CDH2: variants seen among roughly 807,000 people sequenced by gnomAD.
CDH2 encodes the protein cadherin 2.
Under a neutral mutation model 92.0 loss-of-function variants are expected in CDH2, and 17 were observed. The ratio of observed to expected loss-of-function variants is 0.18; its 90% CI spans 0.13 to 0.28. The LOEUF is 0.28. Ranked by LOEUF, CDH2 falls within the 10% of genes least tolerant of loss-of-function variation. The probability of loss-of-function intolerance (pLI) is 1.00; values close to 1 mark genes in which losing one functional copy is unlikely to be tolerated. For missense variants in CDH2, 862 were observed against 1,133.1 expected, an observed-to-expected ratio of 0.76 and a Z score of 3.44; for synonymous variants, 419 against 415.9, an observed-to-expected ratio of 1.01 and a Z score of -0.09.
At chr18:28,145,536 C>T (rs1406502329) in intron 2 of CDH2, among the ~76,000 whole-genome samples, 1 of 151,982 alleles carries the variant, frequency 6.6e-6, no homozygotes, top group Non-Finnish European at 1.5e-5. Flanking sequence ...ATAGCTATAG[C>T]ATTGGATTAT....
chr18:28,051,677 G>A (rs2014193946), intron 2 of CDH2, among the ~76,000 whole-genome samples: 1 of 152,038 alleles, frequency 6.6e-6, no homozygotes, highest in Admixed American at 6.6e-5. Flanking sequence ...TCTTGCCCTG[G>A]AGTGTTTATG....
At position 27,963,252 on chromosome 18, in the gene CDH2, T is replaced by C. The variant is rs2011454633; in HGVS notation, c.2514+105A>G. The C allele has an allele frequency of 4.3e-6, 4 of 928,274 alleles. No homozygotes were observed. In the East Asian group the frequency reaches 7.9e-5, roughly 18 times the overall value. 57.5% of individuals were successfully genotyped at this position (928,274 alleles called of 1,614,324 possible). ...TGAACTTCAGAAACACAAGTATGTT[T>C]TAGTGAACTATATAGCTGTATTCCA... On this transcript the variant is annotated intron_variant, in intron 15 of 15. Transcript: ENST00000269141.
intron 11 of CDH2, among the ~76,000 whole-genome samples, chr18:27,986,931 C>A (rs1030820875): frequency 3.9e-5 from 6 of 152,104 alleles, no homozygotes; most frequent in African/African-American, 1.4e-4. Flanking sequence ...AATAATGAAA[C>A]TAAGGCATAC....
In CDH2 at chr18:28,022,033, G is replaced by GA. The variant is rs1407991601; in HGVS notation, c.173-8125dup. On this transcript the variant is annotated intron_variant, in intron 2 of 15. Transcript: ENST00000269141. ...GCATTAGGAGGGAGGAAGGTAGGGA[G>GA]AAACTGCCACAACAGTAAGTGTTTC... 3.5e-5 allele frequency among the ~76,000 whole-genome samples: 5 copies of GA among 143,554 alleles called. No homozygotes were observed. The East Asian group carries it at 9.6e-4, about 28-fold the overall frequency. 94.2% of individuals were successfully genotyped at this position (143,554 alleles called of 152,430 possible).
intron 2 of CDH2, among the ~76,000 whole-genome samples, chr18:28,019,704 C>A (rs1410123585): frequency 6.6e-6 from 1 of 152,056 alleles, no homozygotes; most frequent in Non-Finnish European, 1.5e-5. Flanking sequence ...TAACCTATGA[C>A]CAATATGAAT....
chr18:28,011,780 G>A (rs2013107075), intron 4 of CDH2, 66 bp downstream of exon 4: 1 of 1,467,234 alleles, frequency 6.8e-7, no homozygotes, highest in African/African-American at 1.4e-5. Flanking sequence ...AAAAAAAATA[G>A]ACAGAAATAT....
chr18:28,003,532 G>A (rs912633172), intron 6 of CDH2, among the ~76,000 whole-genome samples: 5 of 151,980 alleles, frequency 3.3e-5, no homozygotes, highest in South Asian at 2.1e-4. Context: ...ATTTATTGCC[G>A]CTGATTCTTC....
At chr18:28,081,643 G>A (rs1401990348) in intron 2 of CDH2, among the ~76,000 whole-genome samples, 1 of 152,102 alleles carries the variant, frequency 6.6e-6, no homozygotes, top group Admixed American at 6.5e-5. Flanking sequence ...CCACTTATGT[G>A]TAACAATGCT....
intron 15 of CDH2, among the ~76,000 whole-genome samples, chr18:27,961,705 G>A (rs990985077): frequency 7.2e-5 from 11 of 152,144 alleles, no homozygotes; most frequent in African/African-American, 2.7e-4. Context: ...GAGTATCAGG[G>A]ATGGAATGAA....
At chr18:28,150,424 G>T (rs2016103538) in intron 1 of CDH2, among the ~76,000 whole-genome samples, 1 of 152,180 alleles carries the variant, frequency 6.6e-6, no homozygotes, top group Non-Finnish European at 1.5e-5. Context: ...CTGCCCTAAG[G>T]CAGGAGAATC....
At chr18:27,933,395 T>C (rs1389601610) in intron 6 of CDH2, among the ~76,000 whole-genome samples, 2 of 152,270 alleles carry the variant, frequency 1.3e-5, no homozygotes, top group South Asian at 2.1e-4. Flanking sequence ...TATTCATCTA[T>C]AAAATGTATA....
chr18:28,141,658 TTCTGCTCTTTCCTCAACACA>T (rs1313717548), intron 2 of CDH2, among the ~76,000 whole-genome samples: 1 of 152,032 alleles, frequency 6.6e-6, no homozygotes, highest in Non-Finnish European at 1.5e-5. Flanking sequence ...CCTCTTGTCA[TTCTGCTCTTTCCTCAACACA>T]ACAGCCAGAA....
At chr18:28,147,828 A>G (rs200241515) in intron 1 of CDH2, 44 bp from the exon 2 acceptor site, 1 of 1,045,552 alleles carries the variant, frequency 9.6e-7, no homozygotes, top group Admixed American at 2.0e-5. Flanking sequence ...AATGATTGCT[A>G]CCTCCTTCAA....
intron 14 of CDH2, among the ~76,000 whole-genome samples, chr18:27,972,525 G>A (rs1386003230): frequency 6.6e-6 from 1 of 152,204 alleles, no homozygotes; most frequent in Non-Finnish European, 1.5e-5. Context: ...AACTAAGAGA[G>A]TAGCACAGTG....
At position 27,939,688 on chromosome 18, in the gene CDH2, G is replaced by C. The variant is rs367766553; in HGVS notation, c.1152-6564C>G. 1.2e-3 allele frequency among the ~76,000 whole-genome samples: 180 copies of C among 152,258 alleles called. 3 individuals are homozygous for C. The South Asian group carries it at 0.035, about 30-fold the overall frequency. On this transcript the variant is annotated intron_variant, in intron 6 of 6. Coordinates refer to the CDH2 transcript ENST00000675173. The stretch of plus-strand genomic sequence containing the variant: ...CCCTAGACAAAGACTTCCTTCCTGG[G>C]AGTTCTTATACTATGTGGTTTAATT...
At chr18:28,031,108 C>T (rs1335555086) in intron 2 of CDH2, among the ~76,000 whole-genome samples, 1 of 151,296 alleles carries the variant, frequency 6.6e-6, no homozygotes, top group African/African-American at 2.4e-5. Flanking sequence ...TAACTGCCTG[C>T]TTGCCATCTC....
intron 1 of CDH2, among the ~76,000 whole-genome samples, chr18:28,161,409 T>C (rs954237026): frequency 4.0e-5 from 6 of 151,648 alleles, no homozygotes; most frequent in African/African-American, 1.2e-4. Context: ...TGAAACCCCA[T>C]CTCTACCAAA....
intron 2 of CDH2, among the ~76,000 whole-genome samples, chr18:28,141,693 C>T (rs993259231): frequency 6.6e-6 from 1 of 151,916 alleles, no homozygotes; most frequent in African/African-American, 2.4e-5. Context: ...CCAGAATGAT[C>T]CTGTTTTGAA....
At chr18:27,972,329 T>G (rs1162219450) in intron 14 of CDH2, among the ~76,000 whole-genome samples, 1 of 152,216 alleles carries the variant, frequency 6.6e-6, no homozygotes, top group Non-Finnish European at 1.5e-5. Context: ...CTAGCCATAC[T>G]GGTCCAAGCC....
Sources: allele counts gnomAD v4.1 joint callset (sites outside exome capture counted in the v4.1 genomes callset), GRCh38; gene constraint gnomAD v4.1.1; transcripts MANE v1.5; gene names NCBI Gene and HGNC (gene_info 2026-07-23, HGNC 2026-07-21).